OSMR: variants seen among roughly 807,000 people sequenced by gnomAD.
OSMR encodes oncostatin-M-specific receptor subunit beta.
Under a neutral mutation model 99.9 loss-of-function variants are expected in OSMR, and 81 were observed. The observed-to-expected ratio is 0.81, with a 90% CI of 0.68 to 0.97. The LOEUF is 0.97. Ranked by LOEUF, OSMR falls within the 50% of genes least tolerant of loss-of-function variation. The pLI is 0.00. For missense variants in OSMR, 1,099 were observed against 1,153.4 expected (o/e 0.95, Z 0.68); for synonymous variants, 406 against 410.4 (o/e 0.99, Z 0.13).
At chr5:38,850,669 C>A (rs1740285833) in intron 1 of OSMR, among the ~76,000 whole-genome samples, 1 of 152,170 alleles carries the variant, frequency 6.6e-6, no homozygotes, top group African/African-American at 2.4e-5. Flanking sequence ...AAATGTAAGA[C>A]AAAATAATTC....
rs140695266 is a variant in OSMR at position 38,876,280 on chromosome 5, A to G, written c.153A>G (p.Gln51=). The G allele has an allele frequency of 1.1e-5, 17 of 1,613,538 alleles. No homozygotes were observed. The highest frequency in any genetic ancestry group is 1.4e-5 in the Non-Finnish European group (16 of 1,179,642). ...TNSTRQSLHL[Q]WTVHNLPYHQ... is the part of the protein sequence containing the mutation. ...CTACGCGTCAGAGTTTGCACTTACA[A>G]TGGACTGTCCACAACCTTCCTTATC... is the stretch of plus-strand genomic sequence containing the variant. Residue 51 remains glutamine, a synonymous_variant, in exon 3 of 18, where the codon CAA becomes CAG. Coordinates refer to ENST00000274276, the MANE Select transcript of OSMR (RefSeq NM_003999.3).
chr5:38,923,812 C>G (rs1218086411), intron 13 of OSMR, among the ~76,000 whole-genome samples: 1 of 152,172 alleles, frequency 6.6e-6, no homozygotes, highest in African/African-American at 2.4e-5. Context: ...CCACAGTTTA[C>G]AGTTGGCTCA....
intron 10 of OSMR, among the ~76,000 whole-genome samples, chr5:38,918,336 C>T (rs1359491625): frequency 6.6e-6 from 1 of 152,058 alleles, no homozygotes; most frequent in Non-Finnish European, 1.5e-5. Context: ...GGGCTTGGGA[C>T]TGTGTGGGCA....
chr5:38,942,896 G>A (rs2112785017), intron 1 of OSMR: 3 of 1,609,016 alleles, frequency 1.9e-6, no homozygotes. Context: ...GTCTGAATGT[G>A]CAGTGTGACA....
chr5:38,882,346 G>C (rs955553455), intron 4 of OSMR, among the ~76,000 whole-genome samples: 4 of 152,162 alleles, frequency 2.6e-5, no homozygotes, highest in African/African-American at 7.2e-5. Context: ...AGGCCAAGGC[G>C]GGTGGATCAC....
At chr5:38,942,788 A>C in intron 1 of OSMR, 1 of 1,448,624 alleles carries the variant, frequency 6.9e-7, no homozygotes, top group Non-Finnish European at 9.7e-7. Context: ...TCAAACACAG[A>C]ATTATTCTTG....
chr5:38,852,498 C>T (rs558142384), intron 1 of OSMR, among the ~76,000 whole-genome samples: 3 of 152,220 alleles, frequency 2.0e-5, no homozygotes, highest in Admixed American at 6.5e-5. Context: ...TTGGATACTA[C>T]ATAGACATAC....
chr5:38,870,000 C>T (rs1742256503), intron 2 of OSMR, among the ~76,000 whole-genome samples: 1 of 151,972 alleles, frequency 6.6e-6, no homozygotes, highest in South Asian at 2.1e-4. Context: ...TAGAATTTCT[C>T]ATCTTTCTTG....
downstream of OSMR, chr5:38,935,789 G>A (rs1746991880): frequency 6.6e-6 from 1 of 151,998 alleles, no homozygotes; most frequent in African/African-American, 2.4e-5. Flanking sequence ...GCATGGACCT[G>A]GAATCTATTT....
chr5:38,848,757 T>G (rs1345725889), intron 1 of OSMR, among the ~76,000 whole-genome samples: 1 of 152,210 alleles, frequency 6.6e-6, no homozygotes, highest in Non-Finnish European at 1.5e-5. Flanking sequence ...ATACCTCTTT[T>G]GTTAATGGCT....
chr5:38,873,242 T>C (rs1561351865), intron 2 of OSMR, among the ~76,000 whole-genome samples: 1 of 152,232 alleles, frequency 6.6e-6, no homozygotes, highest in East Asian at 1.9e-4. Flanking sequence ...TTTGTGAGGT[T>C]AATCCAATTG....
intron 10 of OSMR, among the ~76,000 whole-genome samples, chr5:38,917,836 C>T (rs1350188738): frequency 6.6e-6 from 1 of 152,166 alleles, no homozygotes; most frequent in Non-Finnish European, 1.5e-5. Flanking sequence ...TTGGTAGAAC[C>T]TTCTCTGCAA....
intron 7 of OSMR, among the ~76,000 whole-genome samples, chr5:38,894,310 A>G (rs933834520): frequency 6.6e-6 from 1 of 151,978 alleles, no homozygotes; most frequent in African/African-American, 2.4e-5. Context: ...TAGGATCAAA[A>G]CCTCCTATAT....
chr5:38,885,998 A>T (rs1363345271), intron 6 of OSMR, 41 bp from the exon 7 acceptor site: 1 of 1,608,624 alleles, frequency 6.2e-7, no homozygotes, highest in African/African-American at 1.3e-5. Flanking sequence ...ACAAAAGTAA[A>T]AACCTCGTAA....
At chr5:38,895,845 G>A (rs1744472050) in intron 7 of OSMR, among the ~76,000 whole-genome samples, 1 of 151,964 alleles carries the variant, frequency 6.6e-6, no homozygotes, top group African/African-American at 2.4e-5. Flanking sequence ...AGAAATCGGT[G>A]TCTAGTTTCA....
chr5:38,943,604 G>C (rs1040076492), intron 1 of OSMR, among the ~76,000 whole-genome samples: 1 of 152,290 alleles, frequency 6.6e-6, no homozygotes, highest in South Asian at 2.1e-4. Flanking sequence ...CCTGAGGTCA[G>C]GAGTTTGAGA....
chr5:38,853,538 G>A (rs62354701), intron 1 of OSMR, among the ~76,000 whole-genome samples: 38,798 of 152,060 alleles, frequency 0.26, 5,274 homozygotes, highest in South Asian at 0.43. Context: ...ACAAGTCTGC[G>A]TGCTATTGTT....
At position 38,906,094 on chromosome 5, in the gene OSMR, C is replaced by T. The variant is rs1407947614; in HGVS notation, c.1285+1591C>T. Among the ~76,000 whole-genome samples the T allele has an allele frequency of 2.0e-5, 3 of 151,872 alleles. 1 individual carries two copies. Among genetic ancestry groups the T allele is most frequent in the South Asian group, 4.2e-4 (2 of 4,806 alleles). On this transcript the variant is annotated intron_variant, in intron 9 of 17. Transcript: ENST00000274276. The stretch of plus-strand genomic sequence containing the variant: ...TCAATAATCTTTGTTCTGGAAGGCC[C>T]TGTTCCTGAGAGGAATGTTGCATTT...
At chr5:38,887,512 A>C (rs1010933909) in intron 7 of OSMR, among the ~76,000 whole-genome samples, 2 of 152,170 alleles carry the variant, frequency 1.3e-5, no homozygotes, top group African/African-American at 4.8e-5. Flanking sequence ...ACTATTATGA[A>C]AGTGTAAGAG....
Sources: gnomAD v4.1 joint callset for allele counts (sites outside exome capture counted in the v4.1 genomes callset) on GRCh38, gnomAD v4.1.1 for gene constraint, MANE v1.5 for transcripts, NCBI Gene and HGNC (gene_info 2026-07-23, HGNC 2026-07-21) for gene names.